The following ATP6V0E1 variants were observed in gnomAD, a reference collection of about 807,000 sequenced individuals.
ATP6V0E1 encodes the protein V-type proton ATPase subunit e 1.
ATP6V0E1 carries 4 observed loss-of-function variants against 11.6 expected under a neutral mutation model. The observed-to-expected ratio is 0.35, with a 90% CI of 0.17 to 0.79. The LOEUF (loss-of-function observed/expected upper bound fraction) is 0.79, where lower values mean the gene tolerates loss of function less well. Among genes scored for constraint, ATP6V0E1 ranks in the 30% least tolerant of loss-of-function variants. The pLI, the probability that ATP6V0E1 is intolerant of heterozygous loss-of-function variation, is 0.54. For missense variants in ATP6V0E1, 105 were observed against 100.0 expected (o/e 1.05, Z -0.21); for synonymous variants, 36 against 34.8 (o/e 1.04, Z -0.13).
chr5:173,000,452 T>C (rs900840668), intron 2 of ATP6V0E1, among the ~76,000 whole-genome samples: 1 of 152,204 alleles, frequency 6.6e-6, no homozygotes, highest in African/African-American at 2.4e-5. Flanking sequence ...AGAAATGTAA[T>C]GTATTGTGAA....
Position 173,019,553 on chromosome 5 carries a change from C to CA in ATP6V0E1, c.153-672dup, listed in dbSNP as rs370124942. Among the ~76,000 whole-genome samples, 910 of 130,704 alleles carry CA rather than the reference C, an allele frequency of 7.0e-3. 7 individuals carry two copies. The highest frequency in any genetic ancestry group is 0.02 in the African/African-American group (707 of 35,402). 85.7% of individuals were successfully genotyped at this position (130,704 alleles called of 152,430 possible). A position where few individuals can be genotyped will look rare whatever the true frequency, so the allele number is the denominator to read the frequency against. On this transcript the variant is annotated intron_variant, in intron 2 of 3. Transcript: ENST00000519374. The stretch of plus-strand genomic sequence containing the variant: ...TGGGCGAAAGAGCGAGACTCCATCT[C>CA]AAAAAAAAAAAAACCCTGAAGTAAG...
At chr5:172,985,110 T>C (rs4274994) in intron 1 of ATP6V0E1, among the ~76,000 whole-genome samples, 45,606 of 151,610 alleles carry the variant, frequency 0.3, 8,044 homozygotes, top group East Asian at 0.76. Context: ...CCGGGCGTGG[T>C]GGCGGGCGCC....
intron 3 of ATP6V0E1, chr5:173,020,874 A>G (rs1297733793): frequency 1.9e-6 from 1 of 519,948 alleles, no homozygotes; most frequent in Admixed American, 1.9e-5. Flanking sequence ...TGCTTCCCCG[A>G]GAGTGTGCTA....
chr5:173,004,776 C>T (rs1266361937), intron 2 of ATP6V0E1, among the ~76,000 whole-genome samples: 2 of 152,138 alleles, frequency 1.3e-5, no homozygotes, highest in South Asian at 2.1e-4. Context: ...AGGGTTTTGG[C>T]AGTTAGGCAT....
chr5:173,024,197 C>CAAAAAAAAAAAAAAAAAAAAAA (rs56837002), intron 3 of ATP6V0E1, among the ~76,000 whole-genome samples: 1 of 73,494 alleles, frequency 1.4e-5, no homozygotes, highest in African/African-American at 4.1e-5. Flanking sequence ...GACTCCGTCT[C>CAAAAAAAAAAAAAAAAAAAAAA]AAAAAAAAAA....
At chr5:173,032,587 G>A (rs186092452) in intron 3 of ATP6V0E1, among the ~76,000 whole-genome samples, 15 of 152,012 alleles carry the variant, frequency 9.9e-5, no homozygotes, top group Admixed American at 2.6e-4. Flanking sequence ...CACTGTGCCC[G>A]GCCTACATTT....
intron 1 of ATP6V0E1, among the ~76,000 whole-genome samples, chr5:172,990,491 TTTTAA>T (rs542438386): frequency 1.3e-5 from 2 of 152,088 alleles, no homozygotes; most frequent in Non-Finnish European, 2.9e-5. Flanking sequence ...TTGTGGTTTG[TTTTAA>T]TTTTATTTTT....
chr5:173,031,252 G>A (rs1339479941), intron 3 of ATP6V0E1, among the ~76,000 whole-genome samples: 1 of 150,678 alleles, frequency 6.6e-6, no homozygotes, highest in Non-Finnish European at 1.5e-5. Flanking sequence ...CCTAATTTTT[G>A]TATTTTTTTT....
intron 2 of ATP6V0E1, among the ~76,000 whole-genome samples, chr5:172,998,766 G>A (rs534762549): frequency 6.6e-6 from 1 of 152,148 alleles, no homozygotes; most frequent in Non-Finnish European, 1.5e-5. Context: ...GGATTGGTCT[G>A]TCATTGAAAA....
intron 2 of ATP6V0E1, among the ~76,000 whole-genome samples, chr5:173,017,529 C>G (rs1250989863): frequency 9.4e-6 from 1 of 106,154 alleles, no homozygotes; most frequent in South Asian, 3.2e-4. Flanking sequence ...AGTGAGACTT[C>G]GTCTAAAAAA....
At chr5:172,992,964 A>T (rs143565964) in intron 1 of ATP6V0E1, among the ~76,000 whole-genome samples, 3,055 of 151,456 alleles carry the variant, frequency 0.02, 39 homozygotes, top group Middle Eastern at 0.054. Context: ...CGCCCAGCTA[A>T]TTTTTTTGTA....
chr5:173,027,209 C>T (rs1366521320), intron 3 of ATP6V0E1, among the ~76,000 whole-genome samples: 3 of 130,768 alleles, frequency 2.3e-5, no homozygotes, highest in East Asian at 2.3e-4. Flanking sequence ...AAAAAATAGC[C>T]GGGCACGGTG....
intron 2 of ATP6V0E1, among the ~76,000 whole-genome samples, chr5:173,019,511 A>G (rs1396631959): frequency 6.6e-6 from 1 of 151,848 alleles, no homozygotes; most frequent in Non-Finnish European, 1.5e-5. Context: ...CCGAGATTGC[A>G]CCACTGCAGT....
At chr5:173,015,847 C>T (rs1026494431) in intron 2 of ATP6V0E1, among the ~76,000 whole-genome samples, 6 of 152,174 alleles carry the variant, frequency 3.9e-5, no homozygotes, top group Non-Finnish European at 8.8e-5. Flanking sequence ...CTGCCTCACC[C>T]TCCCAAGTAG....
At position 173,031,854 on chromosome 5, in the gene ATP6V0E1, T is replaced by C. The variant is rs1430617567; in HGVS notation, c.*37-2545T>C. The stretch of plus-strand genomic sequence containing the variant: ...AAAAAAAAAAGCTTCCTTAATTTAC[T>C]CCAAAATCAGCCGGGTGCAGTGGCT... On this transcript the variant is annotated intron_variant, in intron 3 of 3. Transcript: ENST00000519374. Among the ~76,000 whole-genome samples the C allele has an allele frequency of 3.4e-5, 5 of 147,060 alleles. No individual in the cohort carries two copies. The East Asian group carries it at 6.2e-4, about 18-fold the overall frequency.
chr5:173,034,406 G>T lies in ATP6V0E1; in HGVS notation c.*44G>T. ...AATGGTTTTGTTTTGCAGGTCACGA[G>T]AAGAGAATGCCTTCTAGATGCAAAA... On this transcript the variant is annotated 3_prime_UTR_variant, in exon 4 of 4. Transcript: ENST00000519374. 1 of 703,012 alleles carries T rather than the reference G, an allele frequency of 1.4e-6. No homozygotes were observed. 43.5% of individuals were successfully genotyped at this position (703,012 alleles called of 1,614,324 possible).
intron 2 of ATP6V0E1, among the ~76,000 whole-genome samples, chr5:173,000,659 TTAGAG>T (rs1756137766): frequency 1.3e-5 from 2 of 152,076 alleles, no homozygotes; most frequent in Admixed American, 1.3e-4. Flanking sequence ...GTGTGAAAAC[TTAGAG>T]TAAAGCACAA....
intron 1 of ATP6V0E1, among the ~76,000 whole-genome samples, chr5:172,986,009 A>G (rs1461353956): frequency 3.3e-5 from 5 of 152,216 alleles, no homozygotes; most frequent in Admixed American, 2.0e-4. Context: ...ACACAATGGT[A>G]TTTGTGTATC....
At chr5:173,001,071 AG>A (rs1756144050) in intron 2 of ATP6V0E1, among the ~76,000 whole-genome samples, 1 of 152,218 alleles carries the variant, frequency 6.6e-6, no homozygotes. Context: ...GTTTCCTTAC[AG>A]GGCTGGTATA....
Sources: gnomAD v4.1 joint callset for allele counts (sites outside exome capture counted in the v4.1 genomes callset) on GRCh38, gnomAD v4.1.1 for gene constraint, MANE v1.5 for transcripts, NCBI Gene and HGNC (gene_info 2026-07-23, HGNC 2026-07-21) for gene names.